Variants in CADPS observed in about 807,000 individuals in gnomAD.
The protein encoded by CADPS is calcium dependent secretion activator.
Under a neutral mutation model 167.3 loss-of-function variants are expected in CADPS, and 57 were observed. The ratio of observed to expected loss-of-function variants is 0.34; its 90% CI spans 0.28 to 0.42. CADPS has a LOEUF of 0.42. Ranked by LOEUF, CADPS falls within the 20% of genes least tolerant of loss-of-function variation. The pLI is 1.00. For missense variants in CADPS, 1,414 were observed against 1,738.1 expected, an observed-to-expected ratio of 0.81 and a Z score of 3.32; for synonymous variants, 676 against 635.3, an observed-to-expected ratio of 1.06 and a Z score of -0.96.
intron 9 of CADPS, among the ~76,000 whole-genome samples, chr3:62,561,261 T>C (rs2079105446): frequency 6.6e-6 from 1 of 151,818 alleles, no homozygotes; most frequent in Non-Finnish European, 1.5e-5. Flanking sequence ...TCAGATTCTC[T>C]CTCTCTTTCT....
chr3:62,802,744 A>G (rs1044378238), intron 1 of CADPS, among the ~76,000 whole-genome samples: 2 of 152,198 alleles, frequency 1.3e-5, no homozygotes, highest in African/African-American at 2.4e-5. Flanking sequence ...TGACACCTTC[A>G]TAGTTTTTCA....
At chr3:62,845,138 C>G (rs1405872634) in intron 1 of CADPS, among the ~76,000 whole-genome samples, 1 of 152,146 alleles carries the variant, frequency 6.6e-6, no homozygotes, top group Non-Finnish European at 1.5e-5. Flanking sequence ...TTCAACTATT[C>G]CACACTTTTC....
At chr3:62,821,107 C>T (rs1296719293) in intron 1 of CADPS, among the ~76,000 whole-genome samples, 1 of 152,264 alleles carries the variant, frequency 6.6e-6, no homozygotes, top group Non-Finnish European at 1.5e-5. Flanking sequence ...CCTTCTTCCT[C>T]ATCTTAAACA....
At chr3:62,580,586 A>T (rs910093971) in intron 8 of CADPS, among the ~76,000 whole-genome samples, 7 of 105,718 alleles carry the variant, frequency 6.6e-5, no homozygotes, top group African/African-American at 1.1e-4. Context: ...AAAGTATAAT[A>T]AAAAAAAATA....
At chr3:62,402,438 C>G (rs1242622964) in intron 29 of CADPS, among the ~76,000 whole-genome samples, 1 of 152,068 alleles carries the variant, frequency 6.6e-6, no homozygotes, top group Non-Finnish European at 1.5e-5. Context: ...GTATTTACCC[C>G]CTTCTGTGAT....
intron 1 of CADPS, among the ~76,000 whole-genome samples, chr3:62,797,908 T>C (rs1015360635): frequency 3.9e-5 from 6 of 152,140 alleles, no homozygotes; most frequent in Middle Eastern, 3.2e-3. Context: ...AACATATATA[T>C]TTTTTAGAAA....
intron 6 of CADPS, among the ~76,000 whole-genome samples, chr3:62,606,230 C>G (rs1458671725): frequency 6.6e-6 from 1 of 152,156 alleles, no homozygotes; most frequent in African/African-American, 2.4e-5. Flanking sequence ...AATATTGTCC[C>G]TTCAAAAACA....
chr3:62,466,502 TA>T lies in CADPS; in HGVS notation c.3478-90del, dbSNP rs747430343. The T allele has an allele frequency of 4.2e-5, 35 of 834,352 alleles. 1 individual carries two copies. In the East Asian group the frequency reaches 9.2e-4, roughly 22 times the overall value. 51.7% of individuals were successfully genotyped at this position (834,352 alleles called of 1,614,324 possible). On this transcript the variant is annotated intron_variant, in intron 24 of 29. Coordinates refer to ENST00000383710, the MANE Select transcript of CADPS (RefSeq NM_003716.4). ...ATTTTTAGACAACTTAATTTATAAA[TA>T]AAGCCTGGCCTGCGGACCCCGTTTA...
chr3:62,639,543 G>A (rs1476870619), intron 6 of CADPS, among the ~76,000 whole-genome samples: 7 of 152,086 alleles, frequency 4.6e-5, no homozygotes, highest in South Asian at 4.1e-4. Context: ...TTCAAAGGTC[G>A]TATCTGTGTT....
At chr3:62,707,087 T>C (rs550622141) in intron 3 of CADPS, among the ~76,000 whole-genome samples, 1 of 152,230 alleles carries the variant, frequency 6.6e-6, no homozygotes, top group South Asian at 2.1e-4. Flanking sequence ...TCCCCAACCC[T>C]CTGGCCACGG....
At chr3:62,492,558 G>T (rs1047406751) in intron 19 of CADPS, 112 bp from the exon 20 acceptor site, 4 of 1,045,764 alleles carry the variant, frequency 3.8e-6, no homozygotes, top group Non-Finnish European at 5.7e-6. Flanking sequence ...ATCCAGCAGG[G>T]TTTGGTAATT....
At chr3:62,849,817 T>C (rs2078194654) in intron 1 of CADPS, among the ~76,000 whole-genome samples, 1 of 121,938 alleles carries the variant, frequency 8.2e-6, no homozygotes, top group African/African-American at 3.2e-5. Flanking sequence ...GGATTCCCTC[T>C]TTTTCTATTG....
At chr3:62,779,817 A>G (rs1419938132) in intron 1 of CADPS, 8 of 247,886 alleles carry the variant, frequency 3.2e-5, no homozygotes, top group Non-Finnish European at 5.6e-5. Context: ...GAAGGAAACT[A>G]GATTTTTCAA....
At chr3:62,747,011 T>C (rs1315825270) in intron 3 of CADPS, among the ~76,000 whole-genome samples, 4 of 152,010 alleles carry the variant, frequency 2.6e-5, no homozygotes, top group African/African-American at 9.7e-5. Context: ...CATTGAGAGG[T>C]GTGTAGTGAA....
chr3:62,668,538 T>G (rs114571268), intron 3 of CADPS, among the ~76,000 whole-genome samples: 1,727 of 152,320 alleles, frequency 0.011, 31 homozygotes, highest in African/African-American at 0.04. Flanking sequence ...CCTTCATCCT[T>G]CAGCTTTGCA....
intron 1 of CADPS, among the ~76,000 whole-genome samples, chr3:62,868,537 A>T (rs1053504036): frequency 2.0e-5 from 3 of 152,104 alleles, no homozygotes; most frequent in Admixed American, 2.0e-4. Flanking sequence ...TGATAGTTTT[A>T]AATGTTGAGA....
At chr3:62,707,617 T>C (rs1486444257) in intron 3 of CADPS, among the ~76,000 whole-genome samples, 6 of 152,184 alleles carry the variant, frequency 3.9e-5, no homozygotes, top group Non-Finnish European at 7.3e-5. Flanking sequence ...TGGTTCACTG[T>C]AGCTACTGAG....
At chr3:62,474,376 G>A (rs1395341678) in intron 23 of CADPS, 56 bp from the exon 24 acceptor site, 1 of 1,552,562 alleles carries the variant, frequency 6.4e-7, no homozygotes, top group Non-Finnish European at 8.8e-7. Context: ...AGCAGGTGGA[G>A]GAGATATTTT....
Position 62,651,059 on chromosome 3 carries a change from C to T in CADPS, c.991G>A (p.Val331Ile). 1.2e-6 allele frequency: 2 copies of T among 1,613,578 alleles called. No homozygotes were observed. The highest frequency in any genetic ancestry group is 1.7e-6 in the Non-Finnish European group (2 of 1,179,726). ...IARERKFPKF[V>I]SKEMENMYIE... is the part of the protein sequence containing the mutation. ...TACATGTTTTCCATTTCTTTGGATA[C>T]AAACTTGGGAAATTTGCGTTCCTTG... Residue 331 changes from valine to isoleucine, a missense_variant, in exon 5 of 30, where the codon GTA becomes ATA. Val to Ile is a conservative substitution (Grantham distance 29). Coordinates refer to ENST00000383710, the MANE Select transcript of CADPS (RefSeq NM_003716.4).
Sources: allele counts gnomAD v4.1 joint callset (sites outside exome capture counted in the v4.1 genomes callset), GRCh38; gene constraint gnomAD v4.1.1; transcripts MANE v1.5; gene names NCBI Gene and HGNC (gene_info 2026-07-23, HGNC 2026-07-21).